Variants in RUFY1 observed in about 807,000 individuals in gnomAD.
The protein encoded by RUFY1 is RUN and FYVE domain-containing protein 1.
Under a neutral mutation model 94.6 loss-of-function variants are expected in RUFY1, and 54 were observed. The observed-to-expected ratio is 0.57, with a 90% CI of 0.46 to 0.72. RUFY1 has a LOEUF of 0.72. RUFY1 is among the 30% of genes least tolerant of loss of function. The pLI is 0.00. For synonymous variants in RUFY1, 396 were observed against 347.3 expected (o/e 1.14, Z -1.56); for missense variants, 883 against 883.9 (o/e 1.00, Z 0.01).
chr5:179,596,808 G>A (rs1581537554), intron 13 of RUFY1, 127 bp downstream of exon 13: 1 of 1,052,632 alleles, frequency 9.5e-7, no homozygotes, highest in South Asian at 1.7e-5. Context: ...GTGGTATCCT[G>A]CTTCACCACT....
intron 6 of RUFY1, among the ~76,000 whole-genome samples, chr5:179,580,336 G>A (rs537683495): frequency 2.7e-4 from 41 of 150,478 alleles, no homozygotes; most frequent in African/African-American, 8.5e-4. Flanking sequence ...TCCGCCTCCC[G>A]GGTTCACGCC....
At chr5:179,551,026 C>G in intron 1 of RUFY1, 147 bp downstream of exon 1, 2 of 702,882 alleles carry the variant, frequency 2.8e-6, no homozygotes, top group Non-Finnish European at 3.5e-6. Context: ...CCTGGCTGCG[C>G]CTGGGTCTTT....
At chr5:179,591,510 T>TA in intron 9 of RUFY1, 115 bp from the exon 10 acceptor site, 1 of 738,586 alleles carries the variant, frequency 1.4e-6, no homozygotes, top group Non-Finnish European at 2.3e-6. Context: ...CTACCATGCT[T>TA]AAAAAATAAA....
chr5:179,565,191 T>C (rs1762751734), intron 3 of RUFY1, among the ~76,000 whole-genome samples: 1 of 93,970 alleles, frequency 1.1e-5, no homozygotes, highest in Non-Finnish European at 2.1e-5. Flanking sequence ...TTTTTTTTTT[T>C]GAGACAGAGT....
intron 3 of RUFY1, among the ~76,000 whole-genome samples, chr5:179,564,125 T>C (rs1762647339): frequency 6.7e-6 from 1 of 150,366 alleles, no homozygotes; most frequent in Non-Finnish European, 1.5e-5. Flanking sequence ...TTTTCTTTTT[T>C]TTTTTTTTTT....
At chr5:179,599,024 A>G (rs1357689249) in intron 14 of RUFY1, among the ~76,000 whole-genome samples, 5 of 152,246 alleles carry the variant, frequency 3.3e-5, no homozygotes, top group African/African-American at 9.6e-5. Flanking sequence ...CAGCTCAGAT[A>G]GAGGCAAGTG....
chr5:179,595,054 G>T, intron 12 of RUFY1, 91 bp downstream of exon 12: 1 of 956,654 alleles, frequency 1.0e-6, no homozygotes, highest in African/African-American at 1.6e-5. Context: ...CCAAAGTGCA[G>T]GGGAGAGGCT....
chr5:179,560,642 C>T (rs573122659), intron 2 of RUFY1, among the ~76,000 whole-genome samples: 2,268 of 146,356 alleles, frequency 0.015, 26 homozygotes, highest in Non-Finnish European at 0.023. Flanking sequence ...AGGAGAATGG[C>T]GTGATCCCGG....
At chr5:179,607,829 C>A (rs1447105665) in intron 17 of RUFY1, among the ~76,000 whole-genome samples, 170 bp downstream of exon 17, 1 of 152,340 alleles carries the variant, frequency 6.6e-6, no homozygotes, top group East Asian at 1.9e-4. Flanking sequence ...AGATGGCTTT[C>A]CATCCTGGCA....
At chr5:179,593,384 T>G in intron 10 of RUFY1, 94 bp from the exon 11 acceptor site, 1 of 1,442,236 alleles carries the variant, frequency 6.9e-7, no homozygotes. Context: ...CAGCCTTCAG[T>G]TTGTATTTTA....
At chr5:179,591,913 CAT>C (rs1274239258) in intron 10 of RUFY1, among the ~76,000 whole-genome samples, 172 bp downstream of exon 10, 5 of 152,038 alleles carry the variant, frequency 3.3e-5, no homozygotes, top group African/African-American at 1.2e-4. Context: ...CATTGTCACT[CAT>C]ATTTTTTCCC....
intron 3 of RUFY1, among the ~76,000 whole-genome samples, chr5:179,566,680 C>G (rs1762856568): frequency 6.6e-6 from 1 of 150,904 alleles, no homozygotes; most frequent in African/African-American, 2.4e-5. Context: ...CTTAACACTA[C>G]TTAACTGTAA....
rs775877834 is a variant in RUFY1, at chr5:179,594,936, T to C, written c.1484T>C (p.Met495Thr). Residue 495 changes from methionine (M) to threonine (T), a missense_variant, in exon 12 of 18, where the codon ATG becomes ACG. Coordinates refer to ENST00000319449, the MANE Select transcript of RUFY1 (RefSeq NM_025158.5). Reference protein sequence around the residue: ...TSFEGKTNQVMSSMKQMEERL... With the variant: ...TSFEGKTNQVTSSMKQMEERL... ...TTTGAAGGAAAAACCAACCAAGTTA[T>C]GTCCAGCATGAAACAAATGGAAGAA... The C allele has an allele frequency of 3.7e-6, 6 of 1,612,266 alleles. No homozygotes were observed. Among genetic ancestry groups the C allele is most frequent in the East Asian group, 2.2e-5 (1 of 44,810 alleles).
Position 179,600,684 on chromosome 5 carries a change from C to CTTTTTTTTTTTT in RUFY1, c.1762-1189_1762-1178dup, listed in dbSNP as rs398000079. Among the ~76,000 whole-genome samples, 45 of 54,708 alleles carry CTTTTTTTTTTTT rather than the reference C, an allele frequency of 8.2e-4. 4 individuals carry two copies. The highest frequency in any genetic ancestry group is 3.3e-3 in the African/African-American group (41 of 12,446). The allele number at this position is 54,708 out of a possible 152,430, so 35.9% of individuals were successfully genotyped here. A position where few individuals can be genotyped will look rare whatever the true frequency, so the allele number is the denominator to read the frequency against. On this transcript the variant is annotated intron_variant, in intron 14 of 17. Coordinates refer to ENST00000319449, the MANE Select transcript of RUFY1 (RefSeq NM_025158.5). ...AGCCTCATTTGTCCTATGATGGTAACTTTTTTTTTTTTTTTTTTTTTTTTT... is the reference window on the plus strand; with the variant it reads ...AGCCTCATTTGTCCTATGATGGTAACTTTTTTTTTTTTTTTTTTTTTTTTTTTTTTTTTTTTT...
chr5:179,567,853 G>A (rs189193585), intron 4 of RUFY1, among the ~76,000 whole-genome samples: 2 of 152,042 alleles, frequency 1.3e-5, no homozygotes, highest in African/African-American at 2.4e-5. Context: ...GCAGTGAGCC[G>A]AGATCACGCC....
chr5:179,582,289 A>G (rs1764224681), intron 7 of RUFY1, among the ~76,000 whole-genome samples: 2 of 151,938 alleles, frequency 1.3e-5, no homozygotes, highest in African/African-American at 4.8e-5. Flanking sequence ...CTGTGGTACA[A>G]TCGTGGCTCA....
In RUFY1 at chr5:179,589,579, C is replaced by T. The variant is rs1764871617; in HGVS notation, c.1060C>T (p.Gln354Ter). The T allele has an allele frequency of 6.2e-7, 1 of 1,614,010 alleles. No individual in the cohort carries two copies. Among genetic ancestry groups the T allele is most frequent in the Non-Finnish European group, 8.5e-7 (1 of 1,179,994 alleles). Residue 354 changes from glutamine to a stop codon, truncating the protein, a stop_gained, in exon 9 of 18, where the codon CAA becomes TAA. Coordinates refer to ENST00000319449, the MANE Select transcript of RUFY1 (RefSeq NM_025158.5). LOFTEE classifies it high-confidence loss of function. ...SAATDRICSL[Q>*]EEQQQLREQN... ...TGCAACAGACCGAATTTGCTCACTT[C>T]AAGAAGAACAGCAGCAGTTAAGAGA...
chr5:179,591,868 ATTTT>A, intron 10 of RUFY1, 127 bp downstream of exon 10: 1 of 564,754 alleles, frequency 1.8e-6, no homozygotes, highest in Middle Eastern at 2.8e-4. Context: ...CATTAAAAAA[ATTTT>A]TTTTAAGTCT....
At chr5:179,552,320 G>A (rs994471723) in intron 1 of RUFY1, among the ~76,000 whole-genome samples, 1 of 152,162 alleles carries the variant, frequency 6.6e-6, no homozygotes, top group African/African-American at 2.4e-5. Context: ...GCTGAGGAAA[G>A]GTTGTGGTGC....
Sources: gnomAD v4.1 joint callset for allele counts (sites outside exome capture counted in the v4.1 genomes callset) on GRCh38, gnomAD v4.1.1 for gene constraint, MANE v1.5 for transcripts, NCBI Gene and HGNC (gene_info 2026-07-23, HGNC 2026-07-21) for gene names.